QTGAL: variants seen among roughly 807,000 people sequenced by gnomAD.
QTGAL encodes the protein queuosine-tRNA galactosyltransferase, also known as BGnT-like protein 1.
the QTGAL span, chr17:82,961,153 T>C: frequency 1.2e-6 from 2 of 1,608,058 alleles, no homozygotes; most frequent in South Asian, 1.1e-5. Context: ...GAGGTGCTCG[T>C]AGAAGAACAG....
chr17:83,023,373 G>C, the QTGAL span, among the ~76,000 whole-genome samples: 2 of 137,220 alleles, frequency 1.5e-5, no homozygotes, highest in Admixed American at 1.4e-4. Context: ...CGGCCCACCT[G>C]CACCAGCATG....
chr17:82,963,611 C>T, the QTGAL span, among the ~76,000 whole-genome samples: 36,516 of 151,864 alleles, frequency 0.24, 4,907 homozygotes, highest in East Asian at 0.34. Flanking sequence ...GTGGGATATG[C>T]GGGGAGGTGG....
the QTGAL span, among the ~76,000 whole-genome samples, chr17:82,997,090 A>T: frequency 6.6e-6 from 1 of 152,224 alleles, no homozygotes; most frequent in South Asian, 2.1e-4. Context: ...AAAGGAAACT[A>T]TCAACAAAGT....
At chr17:83,044,744 G>C in the QTGAL span, among the ~76,000 whole-genome samples, 1 of 152,196 alleles carries the variant, frequency 6.6e-6, no homozygotes, top group Non-Finnish European at 1.5e-5. Context: ...AGGAGTTTGA[G>C]ACCAGCCTGG....
the QTGAL span, chr17:83,048,989 GA>G: frequency 5.7e-5 from 30 of 526,466 alleles, no homozygotes; most frequent in Admixed American, 6.9e-5. Flanking sequence ...TTTTGAAAGT[GA>G]AAAAAAAACT....
the QTGAL span, chr17:82,942,769 G>A: frequency 0.27 from 133,936 of 491,278 alleles, 18,854 homozygotes; most frequent in East Asian, 0.4. Context: ...CTGCCCAGGG[G>A]TCAGCCAGAG....
chr17:83,032,612 G>A, the QTGAL span, among the ~76,000 whole-genome samples: 1 of 152,260 alleles, frequency 6.6e-6, no homozygotes, highest in African/African-American at 2.4e-5. Flanking sequence ...TTTTCCATGT[G>A]GTGGGTTGAG....
At chr17:82,971,374 A>C in the QTGAL span, among the ~76,000 whole-genome samples, 4 of 152,170 alleles carry the variant, frequency 2.6e-5, no homozygotes, top group Admixed American at 2.6e-4. Context: ...ACAGAGCACT[A>C]GGGGCTGCAC....
chr17:82,957,007 C>T, the QTGAL span, among the ~76,000 whole-genome samples: 2 of 152,226 alleles, frequency 1.3e-5, no homozygotes, highest in Non-Finnish European at 2.9e-5. Flanking sequence ...AGGCCTAGAC[C>T]CACGAGGGAC....
the QTGAL span, chr17:82,942,987 C>A: frequency 5.9e-6 from 1 of 169,588 alleles, no homozygotes; most frequent in Non-Finnish European, 1.3e-5. Flanking sequence ...TGTTTCTGGG[C>A]CCGTCTGCCT....
chr17:82,995,158 T>TA, the QTGAL span, among the ~76,000 whole-genome samples: 4 of 152,314 alleles, frequency 2.6e-5, no homozygotes, highest in African/African-American at 9.6e-5. Flanking sequence ...TCACCACTGT[T>TA]ATTCAACATT....
chr17:83,000,481 TAAACTGTGAAAG>T, the QTGAL span, among the ~76,000 whole-genome samples: 39 of 152,362 alleles, frequency 2.6e-4, no homozygotes, highest in South Asian at 1.9e-3. Flanking sequence ...TTAATTTCTC[TAAACTGTGAAAG>T]ACCCCATATG....
the QTGAL span, among the ~76,000 whole-genome samples, chr17:82,994,724 C>T: frequency 6.6e-6 from 1 of 152,100 alleles, no homozygotes; most frequent in Non-Finnish European, 1.5e-5. Flanking sequence ...GATACCAAAA[C>T]CAGACAAAGA....
the QTGAL span, among the ~76,000 whole-genome samples, chr17:83,021,221 T>A: frequency 0.019 from 2,884 of 152,274 alleles, 35 homozygotes; most frequent in East Asian, 0.039. Context: ...CTAGTCAGTA[T>A]AATGAACTGA....
the QTGAL span, chr17:83,006,640 C>G: frequency 5.1e-6 from 5 of 985,436 alleles, no homozygotes; most frequent in Non-Finnish European, 6.0e-6. This position sits in a 1 kb window ranked among gnomAD's most constrained non-coding sequence, Gnocchi z 5.8. Flanking sequence ...GCTGTGCTAT[C>G]CCGACGCCGT....
the QTGAL span, among the ~76,000 whole-genome samples, chr17:83,027,699 CA>C: frequency 0.028 from 886 of 31,444 alleles, 1 homozygote; most frequent in African/African-American, 0.069. Flanking sequence ...GAGACGCTCT[CA>C]AAAAAAAAAA....
chr17:82,960,670 G>A, the QTGAL span, among the ~76,000 whole-genome samples: 4 of 152,174 alleles, frequency 2.6e-5, no homozygotes, highest in African/African-American at 4.8e-5. Context: ...TTCCCTGGCC[G>A]TGCCTCTGCC....
chr17:83,009,928 T>C, the QTGAL span, among the ~76,000 whole-genome samples: 19,731 of 141,440 alleles, frequency 0.14, 1,618 homozygotes, highest in Admixed American at 0.2. Flanking sequence ...CGACTTGCCG[T>C]CCACTGCTGT....
the QTGAL span, among the ~76,000 whole-genome samples, chr17:82,970,810 G>C: frequency 6.6e-6 from 1 of 152,234 alleles, no homozygotes; most frequent in East Asian, 1.9e-4. Flanking sequence ...ATAGGAAAAA[G>C]AATGTAAAAT....
Sources: allele counts gnomAD v4.1 joint callset (sites outside exome capture counted in the v4.1 genomes callset), GRCh38; gene constraint gnomAD v4.1.1; non-coding constraint Gnocchi (gnomAD v3.1); transcripts MANE v1.5; gene names NCBI Gene and HGNC (gene_info 2026-07-23, HGNC 2026-07-21).